Variants in CEP112 observed in about 807,000 individuals in gnomAD.
The protein encoded by CEP112 is centrosomal protein of 112 kDa.
Under a neutral mutation model 153.0 loss-of-function variants are expected in CEP112, and 127 were observed. The observed-to-expected ratio is 0.83, with a 90% CI of 0.72 to 0.96. The LOEUF (loss-of-function observed/expected upper bound fraction) is 0.96, where lower values mean the gene tolerates loss of function less well. Ranked by LOEUF, CEP112 falls within the 40% of genes least tolerant of loss-of-function variation. The pLI is 0.00. For synonymous variants in CEP112, 358 were observed against 374.4 expected (o/e 0.96, Z 0.51); for missense variants, 1,089 against 1,101.2 (o/e 0.99, Z 0.16).
At chr17:66,176,457 C>T (rs941416932) in intron 3 of CEP112, among the ~76,000 whole-genome samples, 1 of 152,122 alleles carries the variant, frequency 6.6e-6, no homozygotes, top group Admixed American at 6.5e-5. Flanking sequence ...GCACTCCAAC[C>T]TCTCATAAAC....
At chr17:66,067,016 AACACACACACACACAC>A (rs60964018) in intron 9 of CEP112, 139 bp from the exon 10 acceptor site, 53 of 264,928 alleles carry the variant, frequency 2.0e-4, no homozygotes, top group Middle Eastern at 1.1e-3. Flanking sequence ...TGAAATTATA[AACACACACACACACAC>A]ACACACACAC....
chr17:66,180,027 G>C (rs2072652420), intron 2 of CEP112, among the ~76,000 whole-genome samples: 1 of 152,034 alleles, frequency 6.6e-6, no homozygotes, highest in African/African-American at 2.4e-5. Context: ...TGCATCCCTG[G>C]GATAAATCCT....
intron 24 of CEP112, among the ~76,000 whole-genome samples, chr17:65,647,002 A>G (rs1178125645): frequency 6.6e-6 from 1 of 152,190 alleles, no homozygotes; most frequent in Admixed American, 6.5e-5. Context: ...GAAAACCTAC[A>G]CAAATGCAAC....
In CEP112 at chr17:65,647,386, T is replaced by G. The variant is rs1034143530; in HGVS notation, c.2698-6321A>C. Among the ~76,000 whole-genome samples, 3 of 152,058 alleles carry G rather than the reference T, an allele frequency of 2.0e-5. No individual in the cohort carries two copies. The East Asian group carries it at 5.8e-4, about 29-fold the overall frequency. ...TGGGGTTTCTCCATGTTGGTCAGTC[T>G]GGTCTCGAACTCTCGATCTCAGGTG... On this transcript the variant is annotated intron_variant, in intron 24 of 26. Coordinates refer to ENST00000535342, the MANE Select transcript of CEP112 (RefSeq NM_001199165.4).
intron 4 of CEP112, among the ~76,000 whole-genome samples, chr17:66,134,930 T>C (rs1832572278): frequency 6.6e-6 from 1 of 152,232 alleles, no homozygotes; most frequent in Non-Finnish European, 1.5e-5. Flanking sequence ...CCATACATGC[T>C]GTGATCCCAG....
chr17:65,971,028 ATTT>A (rs2062747797), intron 17 of CEP112, among the ~76,000 whole-genome samples: 3 of 152,192 alleles, frequency 2.0e-5, no homozygotes, highest in East Asian at 3.9e-4. Context: ...ATTATTGGAA[ATTT>A]TTAAGAGGCT....
intron 23 of CEP112, among the ~76,000 whole-genome samples, chr17:65,710,368 A>G (rs1054288638): frequency 6.6e-6 from 1 of 151,930 alleles, no homozygotes; most frequent in Non-Finnish European, 1.5e-5. Flanking sequence ...TATTATTTTC[A>G]TATCTTTTTT....
intron 21 of CEP112, among the ~76,000 whole-genome samples, chr17:65,815,016 A>G (rs1598664160): frequency 6.6e-6 from 1 of 152,078 alleles, no homozygotes; most frequent in Non-Finnish European, 1.5e-5. Context: ...CTGAAGAGTA[A>G]AAGTTTTATT....
At position 65,934,908 on chromosome 17, in the gene CEP112, G is replaced by A. The variant is rs183125614; in HGVS notation, c.1873-7219C>T. Among the ~76,000 whole-genome samples the A allele has an allele frequency of 2.0e-4, 31 of 152,316 alleles. 1 individual carries two copies. The highest frequency in any genetic ancestry group is 7.2e-4 in the African/African-American group (30 of 41,562). ...ATGGTAGATGGCAAAGGGGAAGAAA[G>A]ACACCTCCTTCACAGGGCAACAGGA... is the stretch of plus-strand genomic sequence containing the variant. On this transcript the variant is annotated intron_variant, in intron 18 of 26. Coordinates refer to ENST00000535342, the MANE Select transcript of CEP112 (RefSeq NM_001199165.4).
chr17:65,895,199 A>G (rs966643471), intron 20 of CEP112, among the ~76,000 whole-genome samples: 1 of 152,012 alleles, frequency 6.6e-6, no homozygotes, highest in Non-Finnish European at 1.5e-5. Flanking sequence ...TCATCTTCTG[A>G]CCCAGGTAAA....
chr17:65,854,923 A>G (rs1598789219), intron 20 of CEP112, among the ~76,000 whole-genome samples: 1 of 152,218 alleles, frequency 6.6e-6, no homozygotes, highest in African/African-American at 2.4e-5. Flanking sequence ...TTTAGCAGTG[A>G]CAACAGTTAT....
chr17:66,186,445 A>G (rs2072940608), intron 1 of CEP112, among the ~76,000 whole-genome samples: 1 of 151,860 alleles, frequency 6.6e-6, no homozygotes. Context: ...ACCCGCCACC[A>G]CGCCCAGATA....
In CEP112 at chr17:66,005,776, T is replaced by C. The variant is rs376991933; in HGVS notation, c.1657-7A>G. ...CACTCTGCAAGTCATGAGCCTGCCA[T>C]GACAAGAACATGGAAAATTTATTGG... On this transcript the variant is annotated splice_polypyrimidine_tract_variant and splice_region_variant and intron_variant, in intron 16 of 26. Coordinates refer to ENST00000535342, the MANE Select transcript of CEP112 (RefSeq NM_001199165.4). 4.3e-5 allele frequency: 69 copies of C among 1,593,100 alleles called. No individual in the cohort carries two copies. The Middle Eastern group carries it at 5.0e-4, about 12-fold the overall frequency.
At chr17:66,037,151 T>C (rs1230416226) in intron 12 of CEP112, among the ~76,000 whole-genome samples, 3 of 152,192 alleles carry the variant, frequency 2.0e-5, no homozygotes, top group East Asian at 3.8e-4. Context: ...CCATAAAATG[T>C]CTCCTAAATA....
At chr17:65,855,383 C>G (rs533132277) in intron 20 of CEP112, among the ~76,000 whole-genome samples, 1 of 152,274 alleles carries the variant, frequency 6.6e-6, no homozygotes, top group East Asian at 1.9e-4. Flanking sequence ...CTCTGAACTT[C>G]CTGGGTATTC....
At chr17:65,913,566 G>A (rs1199765793) in intron 19 of CEP112, 3 of 985,180 alleles carry the variant, frequency 3.0e-6, no homozygotes, top group Non-Finnish European at 3.6e-6. Flanking sequence ...CAGATTAGAT[G>A]TTTGCTACAT....
At position 66,057,162 on chromosome 17, in the gene CEP112, T is replaced by C. The variant is rs189266435; in HGVS notation, c.1075-3283A>G. Among the ~76,000 whole-genome samples, 99 of 152,282 alleles carry C rather than the reference T, an allele frequency of 6.5e-4. 3 individuals carry two copies. Among genetic ancestry groups the C allele is most frequent in the South Asian group, 5.4e-3 (26 of 4,826 alleles). ...ACCAATTTGGCTGTATTGTGGGACA[T>C]GGAATGACGACGGACAGACTGGAGG... On this transcript the variant is annotated intron_variant, in intron 11 of 26. Transcript: ENST00000535342.
At chr17:66,003,048 T>C (rs2064127120) in intron 17 of CEP112, among the ~76,000 whole-genome samples, 1 of 152,242 alleles carries the variant, frequency 6.6e-6, no homozygotes, top group African/African-American at 2.4e-5. Flanking sequence ...AGCCAACTTG[T>C]GCTGTTTACT....
intron 4 of CEP112, among the ~76,000 whole-genome samples, chr17:66,145,539 T>C (rs1249635606): frequency 1.3e-5 from 2 of 152,158 alleles, no homozygotes; most frequent in Non-Finnish European, 2.9e-5. Context: ...ATTTCAGTTT[T>C]TCCCCAGTGG....
Sources: allele counts gnomAD v4.1 joint callset (sites outside exome capture counted in the v4.1 genomes callset), GRCh38; gene constraint gnomAD v4.1.1; transcripts MANE v1.5; gene names NCBI Gene and HGNC (gene_info 2026-07-23, HGNC 2026-07-21).